MAPK14: variants seen among roughly 807,000 people sequenced by gnomAD.
MAPK14 encodes the protein CSAID-binding protein.
A neutral mutation model predicts 49.6 loss-of-function variants in MAPK14; 16 were observed. The ratio of observed to expected loss-of-function variants is 0.32; its 90% confidence interval spans 0.22 to 0.49. MAPK14 has a LOEUF of 0.49. MAPK14 is among the 20% of genes least tolerant of loss of function. The pLI, the probability that MAPK14 is intolerant of heterozygous loss-of-function variation, is 0.99. For synonymous variants in MAPK14, 142 were observed against 158.0 expected (o/e 0.90, Z 0.76); for missense variants, 200 against 441.2 (o/e 0.45, Z 4.90).
chr6:36,088,029 G>C (rs1765058988), intron 8 of MAPK14, among the ~76,000 whole-genome samples: 1 of 152,110 alleles, frequency 6.6e-6, no homozygotes, highest in Non-Finnish European at 1.5e-5. Context: ...AATGGGGAAA[G>C]GATTCCCTAT....
intron 3 of MAPK14, among the ~76,000 whole-genome samples, chr6:36,060,289 G>C (rs998425446): frequency 6.6e-6 from 1 of 152,128 alleles, no homozygotes; most frequent in Non-Finnish European, 1.5e-5. Context: ...CACATGCCCA[G>C]GTTGCACATT....
At chr6:36,069,196 A>G (rs1764174628) in intron 3 of MAPK14, among the ~76,000 whole-genome samples, 1 of 152,194 alleles carries the variant, frequency 6.6e-6, no homozygotes, top group Non-Finnish European at 1.5e-5. Flanking sequence ...CCAGAAACAA[A>G]TACTATAGAA....
chr6:36,102,123 A>G (rs1765659853), intron 9 of MAPK14, among the ~76,000 whole-genome samples: 1 of 152,220 alleles, frequency 6.6e-6, no homozygotes, highest in African/African-American at 2.4e-5. Flanking sequence ...AAGGTTTAAT[A>G]TTGATATCCT....
intron 8 of MAPK14, among the ~76,000 whole-genome samples, chr6:36,089,713 A>G (rs1012079122): frequency 2.0e-5 from 3 of 152,216 alleles, no homozygotes; most frequent in Non-Finnish European, 2.9e-5. Context: ...CTAGTTGACT[A>G]GGGATATCAA....
intron 10 of MAPK14, among the ~76,000 whole-genome samples, chr6:36,103,720 C>G (rs1266457407): frequency 6.6e-6 from 1 of 152,152 alleles, no homozygotes; most frequent in Non-Finnish European, 1.5e-5. Flanking sequence ...TTCCCTGACT[C>G]TTGAAGAGGA....
At chr6:36,077,412 G>A (rs957628291) in intron 8 of MAPK14, among the ~76,000 whole-genome samples, 1 of 151,504 alleles carries the variant, frequency 6.6e-6, no homozygotes, top group African/African-American at 2.4e-5. Flanking sequence ...GAGTTAACTA[G>A]CCTTCAGGTG....
chr6:36,046,867 T>G (rs1017532890), intron 1 of MAPK14, among the ~76,000 whole-genome samples: 1 of 152,250 alleles, frequency 6.6e-6, no homozygotes, highest in Non-Finnish European at 1.5e-5. Context: ...CTTGCACACT[T>G]AATCAGTCAG....
chr6:36,050,735 G>A (rs985519207), intron 1 of MAPK14, among the ~76,000 whole-genome samples: 11 of 152,282 alleles, frequency 7.2e-5, no homozygotes, highest in Middle Eastern at 3.4e-3. Context: ...AAGTGGTAAC[G>A]GCTGCCAAGG....
At chr6:36,070,965 T>TA (rs1198767368) in intron 3 of MAPK14, among the ~76,000 whole-genome samples, 3 of 152,180 alleles carry the variant, frequency 2.0e-5, no homozygotes, top group Non-Finnish European at 4.4e-5. Flanking sequence ...GCTCAGCTGA[T>TA]ATATATTATT....
chr6:36,102,196 C>A (rs1028117413), intron 9 of MAPK14, among the ~76,000 whole-genome samples: 1 of 152,232 alleles, frequency 6.6e-6, no homozygotes, highest in Non-Finnish European at 1.5e-5. Flanking sequence ...CCAAGACTTG[C>A]TTTGGGAATA....
chr6:36,044,027 C>T (rs1763075283), intron 1 of MAPK14, among the ~76,000 whole-genome samples: 2 of 151,708 alleles, frequency 1.3e-5, no homozygotes, highest in African/African-American at 4.8e-5. Flanking sequence ...TCAGGCTGGT[C>T]GCGAATACCC....
intron 1 of MAPK14, among the ~76,000 whole-genome samples, chr6:36,041,545 A>G (rs993345208): frequency 1.3e-5 from 2 of 152,134 alleles, no homozygotes; most frequent in East Asian, 1.9e-4. Flanking sequence ...TTTCCTACAC[A>G]CTTCTTGAAG....
chr6:36,108,424 G>T lies in MAPK14; in HGVS notation c.1060G>T (p.Asp354Tyr). The change falls in exon 12 of 12, where the codon GAC (aspartate) becomes TAC (tyrosine). Residue 354 changes from aspartate to tyrosine, a missense_variant. Transcript: ENST00000229794. ...EVISFVPPPL[D>Y]QEEMES ...CATCAGCTTTGTGCCACCACCCCTT[G>T]ACCAAGAAGAGATGGAGTCCTGAGC... 1 of 1,613,948 alleles carries T rather than the reference G, an allele frequency of 6.2e-7. No homozygotes were observed. The highest frequency in any genetic ancestry group is 1.1e-5 in the South Asian group (1 of 91,068).
intron 3 of MAPK14, among the ~76,000 whole-genome samples, chr6:36,059,651 C>T (rs1763728982): frequency 1.3e-5 from 2 of 151,648 alleles, no homozygotes; most frequent in Admixed American, 6.6e-5. Flanking sequence ...AAGTGTTTAT[C>T]CCAGGTTTGG....
At chr6:36,092,489 C>T in intron 8 of MAPK14, 1 of 591,740 alleles carries the variant, frequency 1.7e-6, no homozygotes, top group Non-Finnish European at 3.2e-6. Context: ...TCTGTTCTTT[C>T]CTGGTTGTAT....
chr6:36,072,199 G>A (rs371935222), intron 3 of MAPK14, among the ~76,000 whole-genome samples: 2 of 152,050 alleles, frequency 1.3e-5, no homozygotes, highest in South Asian at 2.1e-4. Flanking sequence ...TTAGCTGTGC[G>A]TGGTGGTGCA....
chr6:36,093,720 C>CA (rs11343231), intron 8 of MAPK14, among the ~76,000 whole-genome samples: 915 of 82,590 alleles, frequency 0.011, 4 homozygotes, highest in Middle Eastern at 0.016. Context: ...GACTCCGTCT[C>CA]AAAAAAAAAA....
intron 1 of MAPK14, among the ~76,000 whole-genome samples, chr6:36,041,543 A>T (rs1762961607): frequency 6.6e-6 from 1 of 152,130 alleles, no homozygotes. Context: ...ACTTTCCTAC[A>T]CACTTCTTGA....
At chr6:36,098,442 G>A (rs1036065374) in intron 9 of MAPK14, among the ~76,000 whole-genome samples, 22 of 152,330 alleles carry the variant, frequency 1.4e-4, no homozygotes, top group Admixed American at 1.4e-3. Context: ...GGAGGCTGAG[G>A]CAGGAGGATC....
Sources: gnomAD v4.1 joint callset for allele counts (sites outside exome capture counted in the v4.1 genomes callset) on GRCh38, gnomAD v4.1.1 for gene constraint, MANE v1.5 for transcripts, NCBI Gene and HGNC (gene_info 2026-07-23, HGNC 2026-07-21) for gene names.